The following WWTR1 variants were observed in gnomAD, a reference collection of about 807,000 sequenced individuals.
WWTR1 encodes the protein WW domain containing transcription regulator 1.
WWTR1 carries 13 observed loss-of-function variants against 40.1 expected under a neutral mutation model. That is an observed-to-expected ratio of 0.32 (90% CI 0.21 to 0.52). WWTR1 has a LOEUF of 0.52. Among genes scored for constraint, WWTR1 ranks in the 20% least tolerant of loss-of-function variants. The pLI is 0.97. For synonymous variants in WWTR1, 230 were observed against 210.1 expected, an observed-to-expected ratio of 1.09 and a Z score of -0.82; for missense variants, 436 against 523.1, an observed-to-expected ratio of 0.83 and a Z score of 1.63.
At chr3:149,697,153 T>C (rs1476360659) in intron 1 of WWTR1, among the ~76,000 whole-genome samples, 1 of 151,614 alleles carries the variant, frequency 6.6e-6, no homozygotes, top group African/African-American at 2.4e-5. Flanking sequence ...ATAAAAGAGG[T>C]TTAATTGGCT....
intron 2 of WWTR1, among the ~76,000 whole-genome samples, chr3:149,620,103 T>A (rs1162636816): frequency 6.6e-6 from 1 of 152,232 alleles, no homozygotes; most frequent in Non-Finnish European, 1.5e-5. Flanking sequence ...AACAGCTTTG[T>A]TGGGTAGGTG....
At chr3:149,573,096 C>T in intron 2 of WWTR1, 96 bp from the exon 3 acceptor site, 1 of 1,296,006 alleles carries the variant, frequency 7.7e-7, no homozygotes, top group Non-Finnish European at 1.1e-6. Flanking sequence ...CTAATTCTTC[C>T]CTTAGGATCT....
chr3:149,638,059 C>CA lies in WWTR1; in HGVS notation c.431+18816dup, dbSNP rs529466719. Among the ~76,000 whole-genome samples the CA allele has an allele frequency of 1.0e-3, 158 of 151,924 alleles. 1 individual carries two copies. The highest frequency in any genetic ancestry group is 9.8e-3 in the South Asian group (47 of 4,800). On this transcript the variant is annotated intron_variant, in intron 2 of 6. Transcript: ENST00000360632. ...GGTGAAACCCCGTCTCTACTAAATACAAAAAAATTAGCCAGGCGTGGTGCT... is the reference window on the plus strand; with the variant it reads ...GGTGAAACCCCGTCTCTACTAAATACAAAAAAAATTAGCCAGGCGTGGTGCT...
At chr3:149,588,350 G>A (rs1184941160) in intron 2 of WWTR1, among the ~76,000 whole-genome samples, 1 of 152,198 alleles carries the variant, frequency 6.6e-6, no homozygotes, top group Non-Finnish European at 1.5e-5. Flanking sequence ...CCTTAATTCA[G>A]ATTTCCTTAA....
chr3:149,571,594 T>A (rs1036353530), intron 3 of WWTR1, among the ~76,000 whole-genome samples: 3 of 152,214 alleles, frequency 2.0e-5, no homozygotes, highest in African/African-American at 7.2e-5. Flanking sequence ...AAGCAGTAGG[T>A]TCAGACTTCC....
intron 1 of WWTR1, among the ~76,000 whole-genome samples, chr3:149,674,712 G>T (rs1714205076): frequency 6.6e-6 from 1 of 152,150 alleles, no homozygotes; most frequent in South Asian, 2.1e-4. Flanking sequence ...CTTGAAGATT[G>T]TTCTTTTAGG....
At chr3:149,639,388 TA>T (rs1259336725) in intron 2 of WWTR1, among the ~76,000 whole-genome samples, 5 of 152,066 alleles carry the variant, frequency 3.3e-5, no homozygotes, top group African/African-American at 1.2e-4. Flanking sequence ...AAAACTTTTT[TA>T]TAGAGATGGG....
At position 149,531,358 on chromosome 3, in the gene WWTR1, G is replaced by A. The variant is rs150906036; in HGVS notation, c.772-3389C>T. ...AGGTCACAAGTTATTCCACATAGCA[G>A]CCAAAGTGAAGCTCACGTGACCCCC... On this transcript the variant is annotated intron_variant, in intron 4 of 6. Coordinates refer to ENST00000360632, the MANE Select transcript of WWTR1 (RefSeq NM_015472.6). Among the ~76,000 whole-genome samples, 17 of 152,256 alleles carry A rather than the reference G, an allele frequency of 1.1e-4. No homozygotes were observed. In the East Asian group the frequency reaches 2.9e-3, roughly 26 times the overall value.
intron 2 of WWTR1, among the ~76,000 whole-genome samples, chr3:149,638,764 G>A (rs1341777133): frequency 1.3e-5 from 2 of 152,134 alleles, no homozygotes; most frequent in Non-Finnish European, 2.9e-5. Flanking sequence ...TATTAAACAT[G>A]CTCTTTTACA....
At chr3:149,528,675 C>A (rs1398102190) in intron 4 of WWTR1, among the ~76,000 whole-genome samples, 1 of 151,922 alleles carries the variant, frequency 6.6e-6, no homozygotes, top group African/African-American at 2.4e-5. Context: ...GAGGCTGAGG[C>A]AGGAGGAGCC....
chr3:149,711,675 C>T (rs1715480482), intron 5 of WWTR1, among the ~76,000 whole-genome samples: 1 of 152,188 alleles, frequency 6.6e-6, no homozygotes, highest in East Asian at 1.9e-4. Flanking sequence ...TGGTTTTCAT[C>T]TCACCTATTT....
intron 1 of WWTR1, chr3:149,670,643 C>CAAAAAAAAAAAAAAAAAAAAAA (rs5853435): frequency 9.9e-6 from 1 of 101,146 alleles, no homozygotes; most frequent in African/African-American, 4.1e-5. Flanking sequence ...GACTCCGTCT[C>CAAAAAAAAAAAAAAAAAAAAAA]AAAAAAAAAA....
At chr3:149,551,924 A>C (rs1736634018) in intron 3 of WWTR1, among the ~76,000 whole-genome samples, 1 of 145,922 alleles carries the variant, frequency 6.9e-6, no homozygotes, top group Non-Finnish European at 1.5e-5. Flanking sequence ...TTGTATCCAT[A>C]TTATGTGATA....
intron 6 of WWTR1, chr3:149,525,783 G>C (rs1735275067): frequency 3.2e-6 from 1 of 312,910 alleles, no homozygotes; most frequent in Non-Finnish European, 5.7e-6. Flanking sequence ...GGAACAAGGG[G>C]TGAAAAACAA....
At chr3:149,659,185 T>C (rs551946593), upstream of WWTR1, among the ~76,000 whole-genome samples, 1 of 152,180 alleles carries the variant, frequency 6.6e-6, no homozygotes, top group East Asian at 1.9e-4. Flanking sequence ...AAGCCCCTAC[T>C]CCACCCCATT....
chr3:149,573,538 G>T lies in WWTR1; in HGVS notation c.432-538C>A, dbSNP rs188507353. ...CAGTAGGAGTGTAAGGTATTTCAAG[G>T]TCCCCAAAGGTGACACATAAAACCC... On this transcript the variant is annotated intron_variant, in intron 2 of 6. Transcript: ENST00000360632. Among the ~76,000 whole-genome samples the T allele has an allele frequency of 1.3e-4, 20 of 152,208 alleles. No homozygotes were observed. In the East Asian group the frequency reaches 3.5e-3, roughly 26 times the overall value.
Position 149,616,437 on chromosome 3 carries a change from T to C in WWTR1, c.431+40439A>G, listed in dbSNP as rs1053951507. On this transcript the variant is annotated intron_variant, in intron 2 of 6. Transcript: ENST00000360632. ...CCTAATAAAATGGCTGTCCTCTCTCTCTCTCTCTTTTTTTTTTTTTCCGAG... is the reference window on the plus strand; with the variant it reads ...CCTAATAAAATGGCTGTCCTCTCTCCCTCTCTCTTTTTTTTTTTTTCCGAG... 3.0e-4 allele frequency among the ~76,000 whole-genome samples: 46 copies of C among 151,088 alleles called. No individual in the cohort carries two copies. In the Middle Eastern group the frequency reaches 0.01, roughly 34 times the overall value.
intron 3 of WWTR1, among the ~76,000 whole-genome samples, chr3:149,553,754 A>T (rs1453696636): frequency 6.6e-6 from 1 of 152,172 alleles, no homozygotes; most frequent in East Asian, 1.9e-4. Flanking sequence ...TTCAGCATCA[A>T]GAGTGTCTGG....
At chr3:149,573,917 A>C (rs1341157368) in intron 2 of WWTR1, among the ~76,000 whole-genome samples, 1 of 150,414 alleles carries the variant, frequency 6.6e-6, no homozygotes, top group Non-Finnish European at 1.5e-5. Context: ...ACTCCATCAA[A>C]CTCTTCCTTT....
Sources: allele counts gnomAD v4.1 joint callset (sites outside exome capture counted in the v4.1 genomes callset), GRCh38; gene constraint gnomAD v4.1.1; transcripts MANE v1.5; gene names NCBI Gene and HGNC (gene_info 2026-07-23, HGNC 2026-07-21).